The following GMEB1 variants were observed in gnomAD, a reference collection of about 807,000 sequenced individuals.
GMEB1 encodes glucocorticoid modulatory element binding protein 1.
GMEB1 carries 6 observed loss-of-function variants against 52.4 expected under a neutral mutation model. That is an observed-to-expected ratio of 0.11 (90% CI 0.06 to 0.23). The LOEUF (loss-of-function observed/expected upper bound fraction) is 0.23, where lower values mean the gene tolerates loss of function less well. GMEB1 is among the 10% of genes least tolerant of loss of function. The probability of loss-of-function intolerance (pLI) is 1.00; values close to 1 mark genes in which losing one functional copy is unlikely to be tolerated. For synonymous variants in GMEB1, 255 were observed against 244.9 expected (o/e 1.04, Z -0.38); for missense variants, 486 against 685.6 (o/e 0.71, Z 3.25).
rs754475423 is a variant in GMEB1, at chr1:28,714,390, C to T, written c.1309C>T (p.Arg437Cys). The change falls in exon 10 of 10, where the codon CGC becomes TGC. Residue 437 changes from arginine to cysteine, a missense_variant. Transcript: ENST00000373816. Reference protein sequence around the residue: ...HTLPSGPQLFRYATVVSSAKS... With the variant: ...HTLPSGPQLFCYATVVSSAKS... Reference sequence around the variant, plus strand: ...ACTGCCTTCTGGCCCTCAGCTCTTCCGCTATGCCACAGTGGTCTCCTCTGC... The same window carrying T: ...ACTGCCTTCTGGCCCTCAGCTCTTCTGCTATGCCACAGTGGTCTCCTCTGC... 9 of 1,614,120 alleles carry T rather than the reference C, an allele frequency of 5.6e-6. No homozygotes were observed. The highest frequency in any genetic ancestry group is 5.3e-5 in the African/African-American group (4 of 74,942).
intron 8 of GMEB1, among the ~76,000 whole-genome samples, chr1:28,705,148 G>A (rs1055301501): frequency 6.7e-6 from 1 of 149,926 alleles, no homozygotes; most frequent in Admixed American, 6.7e-5. Context: ...CAGTACATTA[G>A]GAGGCCGAGA....
At chr1:28,704,691 C>T (rs941896884) in intron 8 of GMEB1, among the ~76,000 whole-genome samples, 3 of 152,028 alleles carry the variant, frequency 2.0e-5, no homozygotes, top group Non-Finnish European at 4.4e-5. Flanking sequence ...CTGCAACCTC[C>T]GCCTCCTGGG....
At chr1:28,691,457 G>T in intron 3 of GMEB1, 128 bp from the exon 4 acceptor site, 1 of 506,036 alleles carries the variant, frequency 2.0e-6, no homozygotes, top group Non-Finnish European at 3.2e-6. Context: ...TTCTTCCAGA[G>T]GATTCCTAAA....
Position 28,687,332 on chromosome 1 carries a change from TCTCACA to T in GMEB1, c.129-2770_129-2765del, listed in dbSNP as rs1355937569. Among the ~76,000 whole-genome samples, 938 of 95,694 alleles carry T rather than the reference TCTCACA, an allele frequency of 9.8e-3. 28 individuals carry two copies. Among genetic ancestry groups the T allele is most frequent in the East Asian group, 0.036 (94 of 2,624 alleles). The allele number at this position is 95,694 out of a possible 152,430, so 62.8% of individuals were successfully genotyped here. A position where few individuals can be genotyped will look rare whatever the true frequency, so the allele number is the denominator to read the frequency against. On this transcript the variant is annotated intron_variant, in intron 2 of 9. Transcript: ENST00000373816. The stretch of plus-strand genomic sequence containing the variant: ...GCCTGGGCAACAGAATGAGACCCTA[TCTCACA>T]CACACACACACACACACACACACAC...
At chr1:28,696,812 G>C in intron 5 of GMEB1, 115 bp from the exon 6 acceptor site, 1 of 734,644 alleles carries the variant, frequency 1.4e-6, no homozygotes, top group South Asian at 3.0e-5. Flanking sequence ...ACACTATTAG[G>C]TTTCACTAAT....
intron 1 of GMEB1, among the ~76,000 whole-genome samples, chr1:28,681,805 C>T (rs1429141656): frequency 1.3e-5 from 2 of 151,974 alleles, no homozygotes; most frequent in Non-Finnish European, 2.9e-5. Flanking sequence ...TGGGTTCAAG[C>T]GATTCTCCTG....
intron 1 of GMEB1, among the ~76,000 whole-genome samples, chr1:28,682,972 C>T (rs910224755): frequency 1.3e-5 from 2 of 152,240 alleles, no homozygotes; most frequent in Middle Eastern, 3.4e-3. Context: ...TCACTAAACT[C>T]GAAGTTGGAA....
At chr1:28,694,931 G>C (rs1287767205) in intron 5 of GMEB1, among the ~76,000 whole-genome samples, 2 of 150,646 alleles carry the variant, frequency 1.3e-5, no homozygotes, top group African/African-American at 2.4e-5. Flanking sequence ...CAAAGTGTGG[G>C]GATTACAGGC....
Position 28,689,983 on chromosome 1 carries a change from A to G in GMEB1, c.129-121A>G, listed in dbSNP as rs565303999. 38 of 625,608 alleles carry G rather than the reference A, an allele frequency of 6.1e-5. No individual in the cohort carries two copies. In the African/African-American group the frequency reaches 6.3e-4, roughly 10 times the overall value. The allele number at this position is 625,608 out of a possible 1,614,324, so 38.8% of individuals were successfully genotyped here. On this transcript the variant is annotated intron_variant, in intron 2 of 9. Coordinates refer to ENST00000373816, the MANE Select transcript of GMEB1 (RefSeq NM_001319674.2). ...ACAATGGGAAACTAGTCAGAGTTATAAAGTATATTTATTTTATTTCTTTTG... is the reference window on the plus strand; with the variant it reads ...ACAATGGGAAACTAGTCAGAGTTATGAAGTATATTTATTTTATTTCTTTTG...
In GMEB1 at chr1:28,714,447, C is replaced by T; in HGVS notation, c.1366C>T (p.His456Tyr). The T allele has an allele frequency of 1.2e-6, 2 of 1,614,234 alleles. No individual in the cohort carries two copies. The highest frequency in any genetic ancestry group is 1.7e-6 in the Non-Finnish European group (2 of 1,180,036). Residue 456 changes from histidine to tyrosine, a missense_variant, in exon 10 of 10, where the codon CAC (histidine) becomes TAC (tyrosine). Around this residue, in one of 5 missense-constraint regions of GMEB1, gnomAD observed 153 missense variants for 200.8 expected, o/e 0.76. Transcript: ENST00000373816. ...KSSSPDTVTI[H>Y]PSSSLALLSS... is the part of the protein sequence containing the mutation. ...CAGCTCACCAGACACAGTGACCATC[C>T]ACCCTTCATCTAGCTTGGCGCTGCT...
At chr1:28,710,690 T>G (rs1188771445) in intron 9 of GMEB1, 48 bp downstream of exon 9, 2 of 1,327,380 alleles carry the variant, frequency 1.5e-6, no homozygotes, top group Non-Finnish European at 2.0e-6. Context: ...GCTAATATTC[T>G]TGTCTTCCCA....
chr1:28,700,616 C>T (rs953448861), intron 6 of GMEB1, among the ~76,000 whole-genome samples: 10 of 148,450 alleles, frequency 6.7e-5, no homozygotes, highest in Non-Finnish European at 1.0e-4. Context: ...ACCTGGGACG[C>T]GGAGACTGCC....
intron 3 of GMEB1, among the ~76,000 whole-genome samples, chr1:28,690,483 A>G (rs1669911142): frequency 6.6e-6 from 1 of 152,126 alleles, no homozygotes; most frequent in Non-Finnish European, 1.5e-5. Flanking sequence ...GATCCCTGTC[A>G]TTAAATAAGT....
chr1:28,693,948 A>G (rs949010278), intron 5 of GMEB1, among the ~76,000 whole-genome samples: 4 of 152,132 alleles, frequency 2.6e-5, no homozygotes, highest in African/African-American at 9.6e-5. Flanking sequence ...ATATATAGTC[A>G]AAAGACTTCT....
intron 2 of GMEB1, among the ~76,000 whole-genome samples, chr1:28,688,110 C>G (rs1669774409): frequency 6.6e-6 from 1 of 152,060 alleles, no homozygotes; most frequent in Non-Finnish European, 1.5e-5. Context: ...CATGGAGAAA[C>G]CCCATCTCTA....
intron 1 of GMEB1, among the ~76,000 whole-genome samples, chr1:28,680,299 T>A (rs1669337068): frequency 6.6e-6 from 1 of 152,192 alleles, no homozygotes; most frequent in Non-Finnish European, 1.5e-5. Flanking sequence ...AAAAATGTAT[T>A]GCATATCTGC....
Position 28,704,608 on chromosome 1 carries a change from A to T in GMEB1, c.868+279A>T, listed in dbSNP as rs908525209. Among the ~76,000 whole-genome samples, 534 of 145,472 alleles carry T rather than the reference A, an allele frequency of 3.7e-3. 2 individuals are homozygous for T. Among genetic ancestry groups the T allele is most frequent in the African/African-American group, 0.012 (482 of 39,964 alleles). ...GAGATGCTTTGTCTCCACAAAAAAA[A>T]TTTTTTTTTTTTTTTGAGACGGAGT... On this transcript the variant is annotated intron_variant, in intron 8 of 9. Transcript: ENST00000373816.
rs1421964192 is a variant in GMEB1, at chr1:28,714,486, A to G, written c.1405A>G (p.Met469Val). 2.5e-6 allele frequency: 4 copies of G among 1,614,110 alleles called. No individual in the cohort carries two copies. The highest frequency in any genetic ancestry group is 2.7e-5 in the African/African-American group (2 of 74,938). The change falls in exon 10 of 10, where the codon ATG (methionine) becomes GTG (valine). Residue 469 changes from methionine (M) to valine (V), a missense_variant. Around this residue, in one of 5 missense-constraint regions of GMEB1, gnomAD observed 153 missense variants for 200.8 expected, o/e 0.76. Transcript: ENST00000373816. ...SSLALLSSTA[M>V]QDGSTLGNMT... ...CTTGGCGCTGCTGAGCTCTACTGCCATGCAGGATGGGAGTACACTGGGCAA... is the reference window on the plus strand; with the variant it reads ...CTTGGCGCTGCTGAGCTCTACTGCCGTGCAGGATGGGAGTACACTGGGCAA...
At chr1:28,681,583 G>A (rs919909417) in intron 1 of GMEB1, among the ~76,000 whole-genome samples, 1 of 152,188 alleles carries the variant, frequency 6.6e-6, no homozygotes, top group Non-Finnish European at 1.5e-5. Context: ...ATAGTTGCAG[G>A]TAAGACCAGA....
Sources: gnomAD v4.1 joint callset for allele counts (sites outside exome capture counted in the v4.1 genomes callset) on GRCh38, gnomAD v4.1.1 for gene constraint, gnomAD v4.1.1 regional missense constraint, MANE v1.5 for transcripts, NCBI Gene and HGNC (gene_info 2026-07-23, HGNC 2026-07-21) for gene names.